The following SEMA3E variants were observed in gnomAD, a reference collection of about 807,000 sequenced individuals.
The protein encoded by SEMA3E is semaphorin-3E.
SEMA3E carries 49 observed loss-of-function variants against 93.6 expected under a neutral mutation model. That is an observed-to-expected ratio of 0.52 (90% CI 0.42 to 0.66). The LOEUF is 0.66. Among genes scored for constraint, SEMA3E ranks in the 30% least tolerant of loss-of-function variants. The pLI, the probability that SEMA3E is intolerant of heterozygous loss-of-function variation, is 0.00. For synonymous variants in SEMA3E, 363 were observed against 330.7 expected (o/e 1.10, Z -1.06); for missense variants, 906 against 964.8 (o/e 0.94, Z 0.81).
intron 1 of SEMA3E, among the ~76,000 whole-genome samples, chr7:83,603,875 T>C (rs556406270): frequency 6.6e-6 from 1 of 152,290 alleles, no homozygotes; most frequent in South Asian, 2.1e-4. Flanking sequence ...TACTTTTCAT[T>C]GGACTTGGCT....
intron 16 of SEMA3E, chr7:83,371,544 A>G (rs559654417): frequency 6.6e-6 from 1 of 152,304 alleles, no homozygotes; most frequent in Non-Finnish European, 1.5e-5. Flanking sequence ...AATAAAAGCT[A>G]CAAGCGTAAG....
intron 1 of SEMA3E, among the ~76,000 whole-genome samples, chr7:83,509,746 T>C (rs1031882674): frequency 1.3e-5 from 2 of 152,192 alleles, no homozygotes; most frequent in East Asian, 3.9e-4. Flanking sequence ...CTATTTGATC[T>C]GTCACTGGAA....
intron 4 of SEMA3E, among the ~76,000 whole-genome samples, chr7:83,437,484 A>AC (rs1180509826): frequency 6.6e-6 from 1 of 152,094 alleles, no homozygotes; most frequent in African/African-American, 2.4e-5. Flanking sequence ...TACATGAATA[A>AC]CATAAACTTT....
At position 83,502,074 on chromosome 7, in the gene SEMA3E, C is replaced by T. The variant is rs576226959; in HGVS notation, c.116-11800G>A. Among the ~76,000 whole-genome samples the T allele has an allele frequency of 2.1e-4, 32 of 152,282 alleles. 1 individual carries two copies. The South Asian group carries it at 6.6e-3, about 32-fold the overall frequency. On this transcript the variant is annotated intron_variant, in intron 1 of 16. Transcript: ENST00000643230. ...TTACCAGAGACAAACCAACTCCTTTCCCAGGCTTCCACTCAGTAAATGGTT... is the reference window on the plus strand; with the variant it reads ...TTACCAGAGACAAACCAACTCCTTTTCCAGGCTTCCACTCAGTAAATGGTT...
At chr7:83,468,660 A>C (rs1385651768) in intron 3 of SEMA3E, among the ~76,000 whole-genome samples, 2 of 152,168 alleles carry the variant, frequency 1.3e-5, no homozygotes, top group Non-Finnish European at 2.9e-5. Context: ...CACTGCTCGC[A>C]TGTGAAAGTT....
intron 1 of SEMA3E, among the ~76,000 whole-genome samples, chr7:83,588,387 A>AG (rs897496357): frequency 6.6e-6 from 1 of 152,114 alleles, no homozygotes; most frequent in African/African-American, 2.4e-5. Context: ...CTAAAAAAAA[A>AG]AAGAAGAAGA....
chr7:83,526,578 A>T (rs748822297), intron 1 of SEMA3E, among the ~76,000 whole-genome samples: 4 of 152,044 alleles, frequency 2.6e-5, no homozygotes, highest in Non-Finnish European at 5.9e-5. Context: ...GATTCCATGG[A>T]ACAAATCAAG....
rs149869918 is a variant in SEMA3E, at chr7:83,548,926, A to T, written c.116-58652T>A. On this transcript the variant is annotated intron_variant, in intron 1 of 16. Coordinates refer to ENST00000643230, the MANE Select transcript of SEMA3E (RefSeq NM_012431.3). Reference sequence around the variant, plus strand: ...TGGGCATAAACTCTCAACATTTAGGATTTAGAGAACAAAATCCAGGAAGAA... The same window carrying T: ...TGGGCATAAACTCTCAACATTTAGGTTTTAGAGAACAAAATCCAGGAAGAA... 9.5e-4 allele frequency among the ~76,000 whole-genome samples: 145 copies of T among 152,162 alleles called. 1 individual carries two copies. The highest frequency in any genetic ancestry group is 1.7e-3 in the Non-Finnish European group (113 of 67,998).
At chr7:83,577,857 TATAA>T (rs531110600) in intron 1 of SEMA3E, among the ~76,000 whole-genome samples, 193 of 152,194 alleles carry the variant, frequency 1.3e-3, no homozygotes, top group African/African-American at 4.3e-3. Flanking sequence ...TTATCATAAA[TATAA>T]ATAATCTCAT....
rs547023381 is a variant in SEMA3E at position 83,433,014 on chromosome 7, ATCTT to A, written c.457-14535_457-14532del. Among the ~76,000 whole-genome samples, 65 of 152,284 alleles carry A rather than the reference ATCTT, an allele frequency of 4.3e-4. No homozygotes were observed. The South Asian group carries it at 0.012, about 28-fold the overall frequency. ...TGAAAACTTTTGCTATGCATTTGAT[ATCTT>A]TCTGAGTGTTTGGACTTTTGCAATT... On this transcript the variant is annotated intron_variant, in intron 4 of 16. Transcript: ENST00000643230.
intron 1 of SEMA3E, among the ~76,000 whole-genome samples, chr7:83,566,742 A>G (rs997768925): frequency 6.6e-6 from 1 of 152,244 alleles, no homozygotes; most frequent in African/African-American, 2.4e-5. Flanking sequence ...ACCAACATGA[A>G]ACCACATGAA....
intron 1 of SEMA3E, among the ~76,000 whole-genome samples, chr7:83,627,895 C>A (rs1052869342): frequency 1.3e-5 from 2 of 151,986 alleles, no homozygotes; most frequent in Non-Finnish European, 2.9e-5. Context: ...TTAGTTGATG[C>A]GGTTACTTCA....
At chr7:83,601,334 T>C (rs900646514) in intron 1 of SEMA3E, among the ~76,000 whole-genome samples, 10 of 152,196 alleles carry the variant, frequency 6.6e-5, no homozygotes, top group African/African-American at 2.4e-4. Context: ...TGAGAGCTAC[T>C]TGGGTAGCAG....
intron 2 of SEMA3E, among the ~76,000 whole-genome samples, chr7:83,473,726 T>C (rs1789950020): frequency 1.3e-5 from 2 of 152,244 alleles, no homozygotes; most frequent in Non-Finnish European, 2.9e-5. Context: ...ACTTTTCTTT[T>C]ACACGAATGA....
chr7:83,406,846 G>A (rs1271669735), intron 7 of SEMA3E, among the ~76,000 whole-genome samples: 1 of 151,980 alleles, frequency 6.6e-6, no homozygotes, highest in East Asian at 1.9e-4. Context: ...ATGGGAAGAA[G>A]GACAGTCTAA....
chr7:83,380,135 G>A (rs941441071), intron 16 of SEMA3E, among the ~76,000 whole-genome samples: 3 of 151,774 alleles, frequency 2.0e-5, no homozygotes, highest in Non-Finnish European at 4.4e-5. Context: ...ATGTTACTGT[G>A]CCATTAGCCA....
chr7:83,564,313 G>C (rs1023779054), intron 1 of SEMA3E, among the ~76,000 whole-genome samples: 2 of 152,108 alleles, frequency 1.3e-5, no homozygotes, highest in African/African-American at 4.8e-5. Flanking sequence ...CAGCTACTCA[G>C]GAGGCTGAGA....
chr7:83,422,683 A>C (rs1788688967), intron 4 of SEMA3E, among the ~76,000 whole-genome samples: 1 of 152,188 alleles, frequency 6.6e-6, no homozygotes, highest in Admixed American at 6.5e-5. Flanking sequence ...AGCTTAATTC[A>C]GTTTTTGATG....
At position 83,648,594 on chromosome 7, in the gene SEMA3E, A is replaced by C. The variant is rs1418958901; in HGVS notation, c.-52T>G. On this transcript the variant is annotated 5_prime_UTR_variant, in exon 1 of 17. Coordinates refer to ENST00000643230, the MANE Select transcript of SEMA3E (RefSeq NM_012431.3). ...CGCTCCTCACTTTAAGGAGGGTCTG[A>C]GTTTTACTTAGGACTTCCCTCCAGG... 1 of 1,372,030 alleles carries C rather than the reference A, an allele frequency of 7.3e-7. No individual in the cohort carries two copies. Among genetic ancestry groups the C allele is most frequent in the Middle Eastern group, 1.9e-4 (1 of 5,266 alleles). The allele number at this position is 1,372,030 out of a possible 1,614,324, so 85.0% of individuals were successfully genotyped here.
Sources: allele counts gnomAD v4.1 joint callset (sites outside exome capture counted in the v4.1 genomes callset), GRCh38; gene constraint gnomAD v4.1.1; transcripts MANE v1.5; gene names NCBI Gene and HGNC (gene_info 2026-07-23, HGNC 2026-07-21).